Variants in CRMP1 observed in about 807,000 individuals in gnomAD.
CRMP1 encodes the protein collapsin response mediator protein 1.
A neutral mutation model predicts 68.3 loss-of-function variants in CRMP1; 19 were observed. The ratio of observed to expected loss-of-function variants is 0.28; its 90% confidence interval spans 0.19 to 0.41. The LOEUF is 0.41. CRMP1 is among the 10% of genes least tolerant of loss of function. The pLI is 1.00. For missense variants in CRMP1, 791 were observed against 967.4 expected (o/e 0.82, Z 2.42); for synonymous variants, 439 against 399.6 (o/e 1.10, Z -1.18).
Position 5,888,257 on chromosome 4 carries a change from G to T in CRMP1, c.381+4332C>A. On this transcript the variant is annotated intron_variant, in intron 1 of 13. Coordinates refer to ENST00000324989, the MANE Select transcript of CRMP1 (RefSeq NM_001014809.3). This position sits in a 1 kb window ranked among gnomAD's most constrained non-coding sequence, Gnocchi z 6.4. ...ATGTGCGGGATGCTCTTCTTGCCCT[G>T]GTACGACATGGCCCCCTCTGGCGCC... The T allele has an allele frequency of 7.8e-7, 1 of 1,288,826 alleles. No homozygotes were observed. Among genetic ancestry groups the T allele is most frequent in the South Asian group, 3.1e-5 (1 of 32,502 alleles). 79.8% of individuals were successfully genotyped at this position (1,288,826 alleles called of 1,614,324 possible).
Position 5,879,187 on chromosome 4 carries a change from T to G in CRMP1, c.382-12431A>C, listed in dbSNP as rs1715061674. Among the ~76,000 whole-genome samples the G allele has an allele frequency of 6.6e-6, 1 of 152,096 alleles. No homozygotes were observed. The highest frequency in any genetic ancestry group is 2.4e-5 in the African/African-American group (1 of 41,410). The stretch of plus-strand genomic sequence containing the variant: ...CCTCTCTCGGCCGCGCCCCACCACA[T>G]CTATCTACGCACACCACGCTCTGCC... On this transcript the variant is annotated intron_variant, in intron 1 of 13. Coordinates refer to ENST00000324989, the MANE Select transcript of CRMP1 (RefSeq NM_001014809.3). This position sits in a 1 kb window ranked among gnomAD's most constrained non-coding sequence, Gnocchi z 4.2.
intron 12 of CRMP1, among the ~76,000 whole-genome samples, chr4:5,827,014 A>G (rs1719743658): frequency 6.6e-6 from 1 of 152,050 alleles, no homozygotes; most frequent in African/African-American, 2.4e-5. Context: ...GAGGCCGTTC[A>G]TCACTCCCTG....
rs1715097256 is a variant in CRMP1 at position 5,879,638 on chromosome 4, T to C, written c.382-12882A>G. ...TAAAAGCACCCAATACACTGAACACTGTCCTATGAAGTTTAACATTCTATG... is the reference window on the plus strand; with the variant it reads ...TAAAAGCACCCAATACACTGAACACCGTCCTATGAAGTTTAACATTCTATG... On this transcript the variant is annotated intron_variant, in intron 1 of 13. Coordinates refer to ENST00000324989, the MANE Select transcript of CRMP1 (RefSeq NM_001014809.3). The surrounding 1 kb of genome is among the most constrained non-coding windows in gnomAD (Gnocchi z 4.2). Among the ~76,000 whole-genome samples the C allele has an allele frequency of 6.6e-6, 1 of 152,220 alleles. No homozygotes were observed. The highest frequency in any genetic ancestry group is 2.1e-4 in the South Asian group (1 of 4,832).
chr4:5,825,777 C>A lies in CRMP1; in HGVS notation c.1804-118G>T. The A allele has an allele frequency of 3.8e-6, 2 of 528,640 alleles. No homozygotes were observed. Among genetic ancestry groups the A allele is most frequent in the Non-Finnish European group, 2.8e-6 (1 of 362,270 alleles). The allele number at this position is 528,640 out of a possible 1,614,324, so 32.7% of individuals were successfully genotyped here. On this transcript the variant is annotated intron_variant, in intron 12 of 13. Coordinates refer to ENST00000324989, the MANE Select transcript of CRMP1 (RefSeq NM_001014809.3). The surrounding 1 kb of genome is among the most constrained non-coding windows in gnomAD (Gnocchi z 4.4). Reference sequence around the variant, plus strand: ...CCTGAGGTCACTTCAAATGTGCATGCACACACACACACAACACGCACACAC... The same window carrying A: ...CCTGAGGTCACTTCAAATGTGCATGAACACACACACACAACACGCACACAC...
At chr4:5,886,343 C>T (rs1715584493) in intron 1 of CRMP1, among the ~76,000 whole-genome samples, 1 of 152,218 alleles carries the variant, frequency 6.6e-6, no homozygotes, top group Non-Finnish European at 1.5e-5. Context: ...GAAGCCCTTA[C>T]CATGCACCTA....
At chr4:5,871,679 G>GA (rs1052247297) in intron 1 of CRMP1, among the ~76,000 whole-genome samples, 23 of 150,472 alleles carry the variant, frequency 1.5e-4, no homozygotes, top group South Asian at 2.1e-4. Flanking sequence ...CCAAAAAAAA[G>GA]AAAAAAAAAG....
rs1417061818 is a variant in CRMP1 at position 5,856,179 on chromosome 4, C to T, written c.784G>A (p.Val262Ile). The T allele has an allele frequency of 5.1e-5, 83 of 1,613,900 alleles. No homozygotes were observed. Among genetic ancestry groups the T allele is most frequent in the East Asian group, 6.7e-5 (3 of 44,890 alleles). The change falls in exon 4 of 14, where the codon GTT becomes ATT. Residue 262 changes from valine to isoleucine, a missense_variant. Physicochemically the swap from Val to Ile is conservative, Grantham distance 29. Around this residue, in one of 3 missense-constraint regions of CRMP1, gnomAD observed 594 missense variants for 763.6 expected, o/e 0.78. Transcript: ENST00000324989. ...ACCAGCACCTCCAGCTCCTCCCGAA[C>T]GCCATCGTACCAGCTTGTGATGTCC... Reference protein sequence around the residue: ...HVDITSWYDGVREELEVLVQD... With the variant: ...HVDITSWYDGIREELEVLVQD...
Position 5,884,318 on chromosome 4 carries a change from T to C in CRMP1, c.381+8271A>G, listed in dbSNP as rs1203083915. On this transcript the variant is annotated intron_variant, in intron 1 of 13. Coordinates refer to ENST00000324989, the MANE Select transcript of CRMP1 (RefSeq NM_001014809.3). ...CATACTTGCAAATTAGAGCAACAAA[T>C]CGAGCCTGATGTGATTTTTACTTGA... Among the ~76,000 whole-genome samples, 5 of 152,118 alleles carry C rather than the reference T, an allele frequency of 3.3e-5. No individual in the cohort carries two copies. In the South Asian group the frequency reaches 8.3e-4, roughly 25 times the overall value.
chr4:5,837,037 C>G, intron 9 of CRMP1, 131 bp from the exon 10 acceptor site: 3 of 1,044,150 alleles, frequency 2.9e-6, no homozygotes, highest in Non-Finnish European at 4.1e-6. Context: ...GTAAGAGAGA[C>G]TCTCTAGCGT....
chr4:5,844,382 G>A (rs996853113), intron 6 of CRMP1, among the ~76,000 whole-genome samples: 1 of 151,912 alleles, frequency 6.6e-6, no homozygotes, highest in Non-Finnish European at 1.5e-5. Context: ...GGGGAATGGA[G>A]GGAAGGGGAG....
In CRMP1 at chr4:5,854,409, T is replaced by TTG. The variant is rs1279050869; in HGVS notation, c.820+1733_820+1734insCA. Among the ~76,000 whole-genome samples the TTG allele has an allele frequency of 2.7e-5, 4 of 147,094 alleles. No homozygotes were observed. Among genetic ancestry groups the TTG allele is most frequent in the African/African-American group, 1.0e-4 (4 of 39,610 alleles). ...ACCACTCCTGGCTATGTTTTTTTTT[T>TTG]TTTTTTTTTTTTTTTAATAGAGTCG... On this transcript the variant is annotated intron_variant, in intron 4 of 13. Transcript: ENST00000324989. The surrounding 1 kb of genome is among the most constrained non-coding windows in gnomAD (Gnocchi z 4.0).
chr4:5,869,540 C>T (rs1204370001), intron 1 of CRMP1, among the ~76,000 whole-genome samples: 2 of 151,790 alleles, frequency 1.3e-5, no homozygotes, highest in African/African-American at 4.8e-5. Flanking sequence ...AAAAATTAGC[C>T]AGGTGTGGTG....
Position 5,821,600 on chromosome 4 carries a change from G to A in CRMP1, c.*160C>T. ...ATTTCCAAGCAAACACACCACACTA[G>A]TACCACTTCTTCCTAAACAGAAAAG... is the stretch of plus-strand genomic sequence containing the variant. On this transcript the variant is annotated 3_prime_UTR_variant, in exon 14 of 14. Transcript: ENST00000324989. The surrounding 1 kb of genome is among the most constrained non-coding windows in gnomAD (Gnocchi z 4.4). 1.4e-6 allele frequency: 1 copy of A among 698,326 alleles called. No homozygotes were observed. The highest frequency in any genetic ancestry group is 2.7e-5 in the East Asian group (1 of 36,440). The allele number at this position is 698,326 out of a possible 1,614,324, so 43.3% of individuals were successfully genotyped here.
rs1047518681 is a variant in CRMP1 at position 5,843,299 on chromosome 4, C to T, written c.964-138G>A. ...TGGCTTGCACTAGGTTAACAGTGTG[C>T]GGGGTGGGGGCAGTGAACTGTGTCC... On this transcript the variant is annotated intron_variant, in intron 6 of 13. Coordinates refer to ENST00000324989, the MANE Select transcript of CRMP1 (RefSeq NM_001014809.3). This position sits in a 1 kb window ranked among gnomAD's most constrained non-coding sequence, Gnocchi z 4.1. 29 of 750,674 alleles carry T rather than the reference C, an allele frequency of 3.9e-5. No homozygotes were observed. Among genetic ancestry groups the T allele is most frequent in the African/African-American group, 1.2e-4 (7 of 58,376 alleles). The allele number at this position is 750,674 out of a possible 1,614,324, so 46.5% of individuals were successfully genotyped here.
In CRMP1 at chr4:5,890,642, C is replaced by T. The variant is rs540985493; in HGVS notation, c.381+1947G>A. Among the ~76,000 whole-genome samples the T allele has an allele frequency of 1.6e-4, 24 of 152,290 alleles. No homozygotes were observed. Among genetic ancestry groups the T allele is most frequent in the Admixed American group, 1.2e-3 (19 of 15,296 alleles). ...CAGAGGCGCTGCCTTTTGTCCGGTG[C>T]CTGAGAAGCCATGGAGAAAGGCAGA... is the stretch of plus-strand genomic sequence containing the variant. On this transcript the variant is annotated intron_variant, in intron 1 of 13. Coordinates refer to ENST00000324989, the MANE Select transcript of CRMP1 (RefSeq NM_001014809.3). This position sits in a 1 kb window ranked among gnomAD's most constrained non-coding sequence, Gnocchi z 5.5.
intron 1 of CRMP1, among the ~76,000 whole-genome samples, chr4:5,867,599 C>T (rs1191433397): frequency 2.6e-5 from 4 of 152,152 alleles, no homozygotes; most frequent in Non-Finnish European, 4.4e-5. Context: ...GATCAGCTAC[C>T]GACTGATGCT....
intron 1 of CRMP1, among the ~76,000 whole-genome samples, chr4:5,878,827 G>A (rs573693135): frequency 9.9e-5 from 15 of 151,840 alleles, no homozygotes; most frequent in African/African-American, 3.4e-4. Context: ...TCCTTGCAAC[G>A]TGGGGTAACA....
At chr4:5,867,241 C>T (rs755865774) in intron 1 of CRMP1, among the ~76,000 whole-genome samples, 4 of 152,160 alleles carry the variant, frequency 2.6e-5, no homozygotes, top group Non-Finnish European at 4.4e-5. Context: ...GTCTCATAGA[C>T]GTCTTTTTGT....
chr4:5,828,364 T>C, intron 12 of CRMP1, 125 bp downstream of exon 12: 1 of 1,442,774 alleles, frequency 6.9e-7, no homozygotes, highest in Non-Finnish European at 9.1e-7. Context: ...ATTTAACAGA[T>C]AAGGAAACGG....
Sources: gnomAD v4.1 joint callset for allele counts (sites outside exome capture counted in the v4.1 genomes callset) on GRCh38, gnomAD v4.1.1 for gene constraint, gnomAD v4.1.1 regional missense constraint, Gnocchi (gnomAD v3.1) non-coding constraint, MANE v1.5 for transcripts, NCBI Gene and HGNC (gene_info 2026-07-23, HGNC 2026-07-21) for gene names.